Variants in FAT3 observed in about 807,000 individuals in gnomAD.
The protein encoded by FAT3 is FAT atypical cadherin 3, also known as protocadherin Fat 3.
In FAT3, 95 loss-of-function variants were observed where a neutral mutation model predicts 310.2. The observed-to-expected ratio is 0.31, with a 90% CI of 0.26 to 0.36. The LOEUF is 0.36. Ranked by LOEUF, FAT3 falls within the 10% of genes least tolerant of loss-of-function variation. The probability of loss-of-function intolerance (pLI) is 1.00; values close to 1 mark genes in which losing one functional copy is unlikely to be tolerated. For synonymous variants in FAT3, 2,314 were observed against 2,192.9 expected, an observed-to-expected ratio of 1.06 and a Z score of -1.54; for missense variants, 5,408 against 5,715.6, an observed-to-expected ratio of 0.95 and a Z score of 1.74.
At chr11:92,743,741 G>A (rs1056094257) in intron 4 of FAT3, among the ~76,000 whole-genome samples, 16 of 152,236 alleles carry the variant, frequency 1.1e-4, no homozygotes, top group African/African-American at 3.6e-4. Flanking sequence ...AGGCCTTGAA[G>A]AAATGATTGG....
chr11:92,676,416 G>A (rs1943290441), intron 3 of FAT3, among the ~76,000 whole-genome samples: 1 of 152,138 alleles, frequency 6.6e-6, no homozygotes, highest in African/African-American at 2.4e-5. Flanking sequence ...GTAAAGTTTG[G>A]ACTGAAATCC....
At chr11:92,591,216 G>T (rs1460465709) in intron 3 of FAT3, among the ~76,000 whole-genome samples, 1 of 152,136 alleles carries the variant, frequency 6.6e-6, no homozygotes, top group Non-Finnish European at 1.5e-5. Flanking sequence ...CTTTGAAAAT[G>T]TGGCTTTGGT....
chr11:92,756,885 A>G (rs1047176303), intron 4 of FAT3, among the ~76,000 whole-genome samples: 1 of 146,168 alleles, frequency 6.8e-6, no homozygotes, highest in Non-Finnish European at 1.5e-5. Flanking sequence ...TCTGCCTGGC[A>G]TTCACAGACC....
At position 92,571,966 on chromosome 11, in the gene FAT3, TAGAA is replaced by T. The variant is rs1188880242; in HGVS notation, c.3607+47022_3607+47025del. 3.3e-5 allele frequency among the ~76,000 whole-genome samples: 5 copies of T among 152,338 alleles called. No individual in the cohort carries two copies. In the East Asian group the frequency reaches 9.7e-4, roughly 29 times the overall value. ...CATTTCACTGTCCCATATTTGGGGA[TAGAA>T]AGAGAGCTTGAAGCCTCACCCTTAA... On this transcript the variant is annotated intron_variant, in intron 3 of 27. Coordinates refer to ENST00000525166, the MANE Select transcript of FAT3 (RefSeq NM_001367949.2).
At chr11:92,318,845 G>A (rs988429744) in intron 1 of FAT3, among the ~76,000 whole-genome samples, 3 of 152,194 alleles carry the variant, frequency 2.0e-5, no homozygotes, top group Admixed American at 6.5e-5. Flanking sequence ...TGTTTTGGTA[G>A]ATGGTACAGG....
At chr11:92,324,012 C>A (rs112970330) in intron 1 of FAT3, among the ~76,000 whole-genome samples, 1 of 152,164 alleles carries the variant, frequency 6.6e-6, no homozygotes, top group Non-Finnish European at 1.5e-5. Flanking sequence ...CTGCTAGCTT[C>A]GGACTTTTCT....
At chr11:92,583,290 G>A (rs1344609603) in intron 3 of FAT3, among the ~76,000 whole-genome samples, 1 of 152,000 alleles carries the variant, frequency 6.6e-6, no homozygotes, top group African/African-American at 2.4e-5. Flanking sequence ...AGTCTAGGGA[G>A]CTTTACAAGA....
chr11:92,859,199 C>T lies in FAT3; in HGVS notation c.11535C>T (p.Tyr3845=), dbSNP rs1317274450. The change falls in exon 21 of 28, where the codon TAC becomes TAT. Residue 3845 remains tyrosine (Y), a synonymous_variant. Coordinates refer to ENST00000525166, the MANE Select transcript of FAT3 (RefSeq NM_001367949.2). ...HTSLSFAGNS[Y]IKYRLSENSK... ...CTCTCAGCTTTGCTGGAAACAGTTA[C>T]ATCAAATATCGGCTTTCTGAAAATA... is the stretch of plus-strand genomic sequence containing the variant. 6.2e-7 allele frequency: 1 copy of T among 1,613,810 alleles called. No homozygotes were observed. Among genetic ancestry groups the T allele is most frequent in the African/African-American group, 1.3e-5 (1 of 75,048 alleles).
At position 92,895,074 on chromosome 11, in the gene FAT3, T is replaced by A. The variant is rs1950001528; in HGVS notation, c.*3961T>A. 6.6e-6 allele frequency: 1 copy of A among 152,208 alleles called. No homozygotes were observed. The highest frequency in any genetic ancestry group is 2.1e-4 in the South Asian group (1 of 4,836). 9.4% of individuals were successfully genotyped at this position (152,208 alleles called of 1,614,324 possible). A position where few individuals can be genotyped will look rare whatever the true frequency, so the allele number is the denominator to read the frequency against. The stretch of plus-strand genomic sequence containing the variant: ...TAATTCAGGAAGATCTAGTGTTCAT[T>A]TTGCATGGATTGTCCAGATAATTGG... On this transcript the variant is annotated 3_prime_UTR_variant, in exon 28 of 28. Transcript: ENST00000525166.
intron 1 of FAT3, among the ~76,000 whole-genome samples, chr11:92,274,618 A>G (rs1223709309): frequency 6.6e-6 from 1 of 152,108 alleles, no homozygotes; most frequent in Non-Finnish European, 1.5e-5. Flanking sequence ...CCGAGAGTGT[A>G]CAGATATTTT....
chr11:92,567,890 G>A (rs567900650), intron 3 of FAT3, among the ~76,000 whole-genome samples: 11 of 147,528 alleles, frequency 7.5e-5, no homozygotes, highest in African/African-American at 2.3e-4. Context: ...GGGGACTGTT[G>A]TGGGGTTGGG....
chr11:92,722,684 G>A (rs1189949746), intron 4 of FAT3, among the ~76,000 whole-genome samples: 1 of 152,188 alleles, frequency 6.6e-6, no homozygotes, highest in Non-Finnish European at 1.5e-5. Context: ...GGACACCCAG[G>A]CATTTCTCTA....
chr11:92,353,403 A>T lies in FAT3; in HGVS notation c.1291A>T (p.Thr431Ser). 6.2e-7 allele frequency: 1 copy of T among 1,613,532 alleles called. No individual in the cohort carries two copies. The highest frequency in any genetic ancestry group is 8.5e-7 in the Non-Finnish European group (1 of 1,179,764). ...KINPRSGLIVTARPLNTVKKE... is the reference protein window; with the variant it reads ...KINPRSGLIVSARPLNTVKKE... ...TAATCCTCGGTCGGGTCTGATTGTT[A>T]CAGCACGGCCACTGAATACTGTTAA... Residue 431 changes from threonine to serine, a missense_variant, in exon 2 of 28, where the codon ACA (threonine) becomes TCA (serine). By Grantham distance (58) the Thr-to-Ser change is moderately conservative (BLOSUM62 1). Coordinates refer to ENST00000525166, the MANE Select transcript of FAT3 (RefSeq NM_001367949.2).
chr11:92,578,239 A>G (rs10830935), intron 3 of FAT3, among the ~76,000 whole-genome samples: 112,689 of 151,976 alleles, frequency 0.74, 44,053 homozygotes, highest in Non-Finnish European at 0.88. Context: ...TAATATTCAC[A>G]GGATTACTTG....
At chr11:92,826,412 C>T (rs1948106504) in intron 13 of FAT3, among the ~76,000 whole-genome samples, 1 of 152,120 alleles carries the variant, frequency 6.6e-6, no homozygotes, top group Admixed American at 6.5e-5. Flanking sequence ...AAAGTGTTGG[C>T]TCAAAACCAA....
chr11:92,494,565 ATCT>A (rs1477671493), intron 2 of FAT3, among the ~76,000 whole-genome samples: 1 of 152,072 alleles, frequency 6.6e-6, no homozygotes, highest in Non-Finnish European at 1.5e-5. Context: ...ACTTTTATGC[ATCT>A]TCTTATTTAA....
chr11:92,295,554 T>C (rs1022450792), intron 1 of FAT3, among the ~76,000 whole-genome samples: 1 of 152,174 alleles, frequency 6.6e-6, no homozygotes, highest in Non-Finnish European at 1.5e-5. Flanking sequence ...TGATCAGTTA[T>C]CTTGTATTTA....
intron 2 of FAT3, among the ~76,000 whole-genome samples, chr11:92,427,161 G>A (rs907381629): frequency 6.6e-6 from 1 of 152,124 alleles, no homozygotes; most frequent in Non-Finnish European, 1.5e-5. Flanking sequence ...GTTCACTCAT[G>A]ATTTGGCTCT....
At chr11:92,555,855 T>C (rs1227112110) in intron 3 of FAT3, among the ~76,000 whole-genome samples, 1 of 152,234 alleles carries the variant, frequency 6.6e-6, no homozygotes, top group East Asian at 1.9e-4. Context: ...CATTATGTCG[T>C]TCCTTTCTAT....
Sources: gnomAD v4.1 joint callset for allele counts (sites outside exome capture counted in the v4.1 genomes callset) on GRCh38, gnomAD v4.1.1 for gene constraint, MANE v1.5 for transcripts, NCBI Gene and HGNC (gene_info 2026-07-23, HGNC 2026-07-21) for gene names.